HERC3: variants seen among roughly 807,000 people sequenced by gnomAD.
The protein encoded by HERC3 is HECT and RLD domain containing E3 ubiquitin protein ligase 3, also known as probable E3 ubiquitin-protein ligase HERC3.
Under a neutral mutation model 129.9 loss-of-function variants are expected in HERC3, and 58 were observed. That is an observed-to-expected ratio of 0.45 (90% CI 0.36 to 0.56). The LOEUF is 0.56. Ranked by LOEUF, HERC3 falls within the 20% of genes least tolerant of loss-of-function variation. The pLI, the probability that HERC3 is intolerant of heterozygous loss-of-function variation, is 0.00. For synonymous variants in HERC3, 430 were observed against 451.0 expected (o/e 0.95, Z 0.59); for missense variants, 835 against 1,244.2 (o/e 0.67, Z 4.95).
At chr4:88,652,159 A>G in intron 5 of HERC3, 71 bp downstream of exon 5, 1 of 1,184,510 alleles carries the variant, frequency 8.4e-7, no homozygotes, top group South Asian at 1.2e-5. Flanking sequence ...TTTTTGTGTG[A>G]TATTATCTAA....
chr4:88,708,404 A>G lies in HERC3; in HGVS notation c.*1444A>G, dbSNP rs1735938552. 2 of 152,574 alleles carry G rather than the reference A, an allele frequency of 1.3e-5. No homozygotes were observed. The highest frequency in any genetic ancestry group is 4.8e-5 in the African/African-American group (2 of 41,438). 9.5% of individuals were successfully genotyped at this position (152,574 alleles called of 1,614,324 possible). A position where few individuals can be genotyped will look rare whatever the true frequency, so the allele number is the denominator to read the frequency against. ...CTTTTTGTTTTTAAAACTTATTCCA[A>G]TTGCTAAATTGGTAGTTTTTCAGTC... On this transcript the variant is annotated 3_prime_UTR_variant, in exon 26 of 26. Transcript: ENST00000402738.
the HERC3 span, among the ~76,000 whole-genome samples, chr4:88,545,961 T>G: frequency 1.3e-5 from 2 of 152,192 alleles, no homozygotes; most frequent in Admixed American, 1.3e-4. Context: ...ACCAAATATT[T>G]AAGAAGAGAC....
the HERC3 span, among the ~76,000 whole-genome samples, chr4:88,552,393 C>T: frequency 6.6e-6 from 1 of 152,076 alleles, no homozygotes; most frequent in Admixed American, 6.6e-5. Flanking sequence ...GCTGAGATTA[C>T]AGGCACGTGC....
At chr4:88,704,863 C>CTTTCTTTTTTTTTTTTTTTTTTT (rs1336673525) in intron 25 of HERC3, among the ~76,000 whole-genome samples, 1 of 130,672 alleles carries the variant, frequency 7.7e-6, no homozygotes, top group Non-Finnish European at 1.6e-5. Context: ...TTCTTTCTTT[C>CTTTCTTTTTTTTTTTTTTTTTTT]TTTTTTTTTT....
intron 25 of HERC3, among the ~76,000 whole-genome samples, chr4:88,705,862 A>G (rs934578277): frequency 1.3e-5 from 2 of 152,200 alleles, no homozygotes; most frequent in Non-Finnish European, 2.9e-5. Flanking sequence ...AGCAAGGATG[A>G]GAGGAAGTGG....
chr4:88,577,360 T>C, the HERC3 span, among the ~76,000 whole-genome samples: 1 of 152,170 alleles, frequency 6.6e-6, no homozygotes, highest in African/African-American at 2.4e-5. Flanking sequence ...ATTTTCCTTG[T>C]GGACCTTAAG....
the HERC3 span, among the ~76,000 whole-genome samples, chr4:88,554,345 C>CAAAAAA: frequency 3.3e-5 from 2 of 59,832 alleles, no homozygotes; most frequent in African/African-American, 1.2e-4. Context: ...ACTCCATCTC[C>CAAAAAA]AAAAAAAAAA....
chr4:88,529,626 C>A, the HERC3 span, among the ~76,000 whole-genome samples: 6 of 151,872 alleles, frequency 4.0e-5, no homozygotes, highest in African/African-American at 7.2e-5. Context: ...TGGTGGCAGG[C>A]GCCAGTAATC....
chr4:88,648,137 C>T (rs1202920322), intron 3 of HERC3, among the ~76,000 whole-genome samples: 2 of 151,240 alleles, frequency 1.3e-5, no homozygotes, highest in African/African-American at 4.9e-5. Flanking sequence ...ATTTTTTTTT[C>T]CACAGTAACC....
rs192702497 is a variant in HERC3 at position 88,679,767 on chromosome 4, C to T, written c.2197-326C>T. On this transcript the variant is annotated intron_variant, in intron 19 of 25. Transcript: ENST00000402738. ...TCCTGACCTCAGGTGATCTGCCTGC[C>T]TCGGCCTCCCAAAGTGCTAGGATTA... is the stretch of plus-strand genomic sequence containing the variant. 8.6e-3 allele frequency among the ~76,000 whole-genome samples: 1,315 copies of T among 152,286 alleles called. 22 individuals are homozygous for T. The highest frequency in any genetic ancestry group is 0.03 in the African/African-American group (1,251 of 41,532).
At chr4:88,654,254 CTCTTT>C (rs1371895770) in intron 7 of HERC3, 121 bp downstream of exon 7, 60 of 570,392 alleles carry the variant, frequency 1.1e-4, no homozygotes, top group Middle Eastern at 5.3e-4. Context: ...CTTGAATGCT[CTCTTT>C]TATGTGGGTT....
chr4:88,611,257 A>T (rs142260568), intron 3 of HERC3, among the ~76,000 whole-genome samples: 1 of 152,180 alleles, frequency 6.6e-6, no homozygotes, highest in South Asian at 2.1e-4. Flanking sequence ...TGTGTTCTAA[A>T]TCTGGATATG....
At chr4:88,561,209 T>C in the HERC3 span, among the ~76,000 whole-genome samples, 1 of 143,938 alleles carries the variant, frequency 6.9e-6, no homozygotes, top group African/African-American at 2.5e-5. Flanking sequence ...GTATTTTAAG[T>C]ATTTTAAGAC....
chr4:88,592,907 C>T (rs1464607718), intron 1 of HERC3, among the ~76,000 whole-genome samples: 1 of 151,942 alleles, frequency 6.6e-6, no homozygotes, highest in Non-Finnish European at 1.5e-5. Context: ...CGGCCGCCCT[C>T]CCGCCCTGCC....
rs1411926964 is a variant in HERC3, at chr4:88,667,914, G to A, written c.1466G>A (p.Cys489Tyr). The stretch of plus-strand genomic sequence containing the variant: ...CAGATTTTGAACAGTTTTGAAAGTT[G>A]TCTGATTCCCCAGTTGTCAAGCTCA... ...LEQILNSFES[C>Y]LIPQLSSSPP... The change falls in exon 14 of 26, where the codon TGT becomes TAT. Residue 489 changes from cysteine to tyrosine, a missense_variant. Coordinates refer to ENST00000402738, the MANE Select transcript of HERC3 (RefSeq NM_014606.3). 6.2e-7 allele frequency: 1 copy of A among 1,612,414 alleles called. No homozygotes were observed.
chr4:88,557,305 G>A, the HERC3 span, among the ~76,000 whole-genome samples: 1 of 152,014 alleles, frequency 6.6e-6, no homozygotes, highest in African/African-American at 2.4e-5. Context: ...TATTTCCTTA[G>A]TAGTTAGCCT....
intron 10 of HERC3, among the ~76,000 whole-genome samples, chr4:88,659,611 T>G (rs1730283215): frequency 6.6e-6 from 1 of 152,218 alleles, no homozygotes; most frequent in Admixed American, 6.5e-5. Context: ...GAGTGTGTAT[T>G]ACAGAGAAAT....
intron 12 of HERC3, among the ~76,000 whole-genome samples, chr4:88,664,695 C>T (rs1730859128): frequency 6.6e-6 from 1 of 152,086 alleles, no homozygotes; most frequent in South Asian, 2.1e-4. Context: ...CTTAATTCCT[C>T]AGATAATTTT....
intron 8 of HERC3, 109 bp downstream of exon 8, chr4:88,655,413 C>T: frequency 7.9e-7 from 1 of 1,264,514 alleles, no homozygotes; most frequent in Middle Eastern, 2.1e-4. Flanking sequence ...TTTAAGAGAT[C>T]TTAACTGCAT....
Sources: allele counts gnomAD v4.1 joint callset (sites outside exome capture counted in the v4.1 genomes callset), GRCh38; gene constraint gnomAD v4.1.1; transcripts MANE v1.5; gene names NCBI Gene and HGNC (gene_info 2026-07-23, HGNC 2026-07-21).